Variants in INTS4 observed in about 807,000 individuals in gnomAD.
INTS4 encodes the protein integrator complex subunit 4.
Under a neutral mutation model 119.5 loss-of-function variants are expected in INTS4, and 70 were observed. That is an observed-to-expected ratio of 0.59 (90% CI 0.48 to 0.71). The LOEUF (loss-of-function observed/expected upper bound fraction) is 0.71. INTS4 is among the 30% of genes least tolerant of loss of function. The probability of loss-of-function intolerance (pLI) is 0.00; values close to 1 mark genes in which losing one functional copy is unlikely to be tolerated. For missense variants in INTS4, 867 were observed against 1,173.2 expected (o/e 0.74, Z 3.81); for synonymous variants, 316 against 419.6 (o/e 0.75, Z 3.02).
At chr11:77,934,526 G>A (rs985048279) in intron 10 of INTS4, among the ~76,000 whole-genome samples, 3 of 151,970 alleles carry the variant, frequency 2.0e-5, no homozygotes, top group South Asian at 2.1e-4. Flanking sequence ...GTGGGATTAC[G>A]GATGTTTTCT....
intron 5 of INTS4, 90 bp from the exon 6 acceptor site, chr11:77,960,481 G>A (rs1280286348): frequency 3.0e-6 from 3 of 1,010,610 alleles, no homozygotes; most frequent in African/African-American, 3.2e-5. Context: ...TTCCCCTATT[G>A]TATCAGGCTA....
rs373878410 is a variant in INTS4 at position 77,978,996 on chromosome 11, C to G, written c.471G>C (p.Lys157Asn). The G allele has an allele frequency of 6.3e-7, 1 of 1,590,492 alleles. No homozygotes were observed. The highest frequency in any genetic ancestry group is 1.7e-5 in the Admixed American group (1 of 59,932). ...ATCTGAATAGATTTTATACTCTTACCTTGCAGGCCACATCAACTAATCGCA... is the reference window on the plus strand; with the variant it reads ...ATCTGAATAGATTTTATACTCTTACGTTGCAGGCCACATCAACTAATCGCA... ...IQMRLVDVAC[K>N]HLTDTSHGVR... Residue 157 changes from lysine to asparagine, a missense_variant and splice_region_variant, in exon 4 of 23, where the codon AAG (lysine) becomes AAC (asparagine). Lys to Asn is a moderately conservative substitution (Grantham distance 94). This residue lies in a region of INTS4 where 224 missense variants were observed against 231.8 expected (regional missense o/e 0.97). Coordinates refer to ENST00000534064, the MANE Select transcript of INTS4 (RefSeq NM_033547.4).
chr11:77,967,307 T>C (rs1363552158), intron 4 of INTS4, among the ~76,000 whole-genome samples: 1 of 152,170 alleles, frequency 6.6e-6, no homozygotes, highest in Non-Finnish European at 1.5e-5. Context: ...GAGAGCTCTC[T>C]CTCATGCACA....
At chr11:77,955,008 A>G (rs1037727770) in intron 8 of INTS4, among the ~76,000 whole-genome samples, 1 of 152,232 alleles carries the variant, frequency 6.6e-6, no homozygotes, top group African/African-American at 2.4e-5. Flanking sequence ...CTAAAAGGCT[A>G]TTTCTCTACA....
At chr11:77,993,976 G>A (rs1591160621) in intron 1 of INTS4, among the ~76,000 whole-genome samples, 2 of 112,258 alleles carry the variant, frequency 1.8e-5, no homozygotes, top group Admixed American at 2.0e-4. Flanking sequence ...ACTCCCGACA[G>A]GGACTCTGCC....
At chr11:77,914,277 C>T (rs1207662935) in intron 15 of INTS4, among the ~76,000 whole-genome samples, 4 of 152,296 alleles carry the variant, frequency 2.6e-5, no homozygotes, top group Admixed American at 6.5e-5. Flanking sequence ...ACCATGAAGG[C>T]GAGTACCTTC....
intron 4 of INTS4, among the ~76,000 whole-genome samples, chr11:77,972,724 T>C (rs1438905590): frequency 6.6e-6 from 1 of 152,052 alleles, no homozygotes; most frequent in African/African-American, 2.4e-5. Context: ...GACCTGACTC[T>C]CAATTCTATT....
rs375355859 is a variant in INTS4, at chr11:77,878,917, T to C, written c.*32A>G. Reference sequence around the variant, plus strand: ...TCATTCTGACACCTAAGAAGGGCCCTCTAGGCCACGGTTGGGAAGACTGTT... The same window carrying C: ...TCATTCTGACACCTAAGAAGGGCCCCCTAGGCCACGGTTGGGAAGACTGTT... On this transcript the variant is annotated 3_prime_UTR_variant, in exon 23 of 23. Coordinates refer to ENST00000534064, the MANE Select transcript of INTS4 (RefSeq NM_033547.4). 8 of 1,580,930 alleles carry C rather than the reference T, an allele frequency of 5.1e-6. No individual in the cohort carries two copies. The highest frequency in any genetic ancestry group is 7.0e-6 in the Non-Finnish European group (8 of 1,150,248).
chr11:77,956,152 T>C, intron 7 of INTS4, 90 bp from the exon 8 acceptor site: 1 of 1,482,218 alleles, frequency 6.7e-7, no homozygotes, highest in Non-Finnish European at 9.0e-7. Context: ...CTCACATCTA[T>C]AATCCCAACA....
chr11:77,879,445 G>A (rs1054857579), intron 22 of INTS4, among the ~76,000 whole-genome samples: 1 of 152,178 alleles, frequency 6.6e-6, no homozygotes, highest in African/African-American at 2.4e-5. Context: ...ATGCAGGTGT[G>A]GATTTGGGCA....
At chr11:77,949,248 C>T (rs1954126669) in intron 8 of INTS4, among the ~76,000 whole-genome samples, 1 of 151,988 alleles carries the variant, frequency 6.6e-6, no homozygotes, top group East Asian at 1.9e-4. Flanking sequence ...AAACATAAGA[C>T]CTAAAACCAT....
intron 2 of INTS4, among the ~76,000 whole-genome samples, chr11:77,988,795 T>A (rs1430525263): frequency 1.3e-5 from 2 of 152,220 alleles, no homozygotes; most frequent in Non-Finnish European, 2.9e-5. Flanking sequence ...AACAAGTTAA[T>A]CCTTAAAGAA....
At chr11:77,904,864 A>T (rs1200004808) in intron 16 of INTS4, among the ~76,000 whole-genome samples, 1 of 152,128 alleles carries the variant, frequency 6.6e-6, no homozygotes, top group Non-Finnish European at 1.5e-5. Context: ...GTTAGGCACA[A>T]CTATTACCAT....
At chr11:77,889,859 T>G (rs1952187413) in intron 21 of INTS4, among the ~76,000 whole-genome samples, 2 of 152,144 alleles carry the variant, frequency 1.3e-5, no homozygotes, top group East Asian at 3.9e-4. Flanking sequence ...TGAAGGGGGT[T>G]TTTTAGGAGA....
Position 77,979,070 on chromosome 11 carries a change from T to A in INTS4, c.397A>T (p.Thr133Ser). 6.2e-7 allele frequency: 1 copy of A among 1,612,874 alleles called. No homozygotes were observed. Among genetic ancestry groups the A allele is most frequent in the Non-Finnish European group, 8.5e-7 (1 of 1,179,066 alleles). Residue 133 changes from threonine (T) to serine (S), a missense_variant, in exon 4 of 23, where the codon ACT (threonine) becomes TCT (serine). By Grantham distance (58) the Thr-to-Ser change is moderately conservative. This residue lies in a region of INTS4 where 224 missense variants were observed against 231.8 expected (regional missense o/e 0.97). Transcript: ENST00000534064. ...SHQVLAQLLDTLLAIGTKLPE... is the reference protein window; with the variant it reads ...SHQVLAQLLDSLLAIGTKLPE... ...AGCTTAGTGCCAATTGCAAGCAAAG[T>A]ATCCAGCAGTTGAGCTAGGACTTGA...
At chr11:77,945,622 C>T (rs189987278) in intron 8 of INTS4, among the ~76,000 whole-genome samples, 4 of 152,292 alleles carry the variant, frequency 2.6e-5, no homozygotes, top group Admixed American at 2.0e-4. Flanking sequence ...ATCAAATAGA[C>T]AGCTGGCAGC....
chr11:77,937,817 G>GTATT (rs4016025), intron 10 of INTS4, among the ~76,000 whole-genome samples: 16,536 of 146,506 alleles, frequency 0.11, 1,196 homozygotes, highest in East Asian at 0.26. Context: ...ATATCTTTCT[G>GTATT]TATTTATTTA....
At chr11:77,943,023 T>A (rs1953964801) in intron 8 of INTS4, among the ~76,000 whole-genome samples, 1 of 152,180 alleles carries the variant, frequency 6.6e-6, no homozygotes, top group Non-Finnish European at 1.5e-5. Context: ...ACAACAATTT[T>A]ATAAATAAGA....
At chr11:77,946,685 CAGG>C (rs1477660694) in intron 8 of INTS4, among the ~76,000 whole-genome samples, 4 of 151,218 alleles carry the variant, frequency 2.6e-5, no homozygotes, top group Admixed American at 2.0e-4. Flanking sequence ...CACTTAAACC[CAGG>C]AGGAGAAGGT....
Sources: gnomAD v4.1 joint callset for allele counts (sites outside exome capture counted in the v4.1 genomes callset) on GRCh38, gnomAD v4.1.1 for gene constraint, gnomAD v4.1.1 regional missense constraint, MANE v1.5 for transcripts, NCBI Gene and HGNC (gene_info 2026-07-23, HGNC 2026-07-21) for gene names.